ALMS1: variants seen among roughly 807,000 people sequenced by gnomAD.
The protein encoded by ALMS1 is ALMS1 centrosome and basal body associated protein.
Under a neutral mutation model 352.2 loss-of-function variants are expected in ALMS1, and 271 were observed. The ratio of observed to expected loss-of-function variants is 0.77; its 90% CI spans 0.70 to 0.85. The LOEUF is 0.85. Ranked by LOEUF, ALMS1 falls within the 40% of genes least tolerant of loss-of-function variation. The pLI is 0.00. For missense variants in ALMS1, 5,445 were observed against 4,870.7 expected (o/e 1.12, Z -3.51); for synonymous variants, 1,865 against 1,761.2 (o/e 1.06, Z -1.48).
At chr2:73,447,842 G>T in intron 7 of ALMS1, 118 bp from the exon 8 acceptor site, 1 of 1,306,610 alleles carries the variant, frequency 7.7e-7, no homozygotes, top group African/African-American at 1.5e-5. Context: ...TTTGATGGCT[G>T]TTTCCTTAGG....
At chr2:73,512,811 A>G (rs1477390758) in intron 10 of ALMS1, among the ~76,000 whole-genome samples, 4 of 152,152 alleles carry the variant, frequency 2.6e-5, no homozygotes, top group Non-Finnish European at 5.9e-5. Context: ...AAGATATTTC[A>G]GGCTCATCTT....
At chr2:73,511,959 G>T (rs1673462485) in intron 10 of ALMS1, among the ~76,000 whole-genome samples, 1 of 152,226 alleles carries the variant, frequency 6.6e-6, no homozygotes, top group African/African-American at 2.4e-5. Context: ...ATAGGAAACT[G>T]CCAGAGTGTT....
chr2:73,422,991 G>T lies in ALMS1; in HGVS notation c.764+17G>T, dbSNP rs1057524596. The T allele has an allele frequency of 3.8e-6, 6 of 1,575,480 alleles. No individual in the cohort carries two copies. Among genetic ancestry groups the T allele is most frequent in the Non-Finnish European group, 5.2e-6 (6 of 1,145,342 alleles). On this transcript the variant is annotated intron_variant, in intron 4 of 22. Coordinates refer to ENST00000613296, the MANE Select transcript of ALMS1 (RefSeq NM_001378454.1). ...ACCTCTGAGGTAGGATGATTTATTT[G>T]CATGTAACCTTTCTCACTTCTTGTT...
intron 7 of ALMS1, among the ~76,000 whole-genome samples, chr2:73,443,806 C>T (rs1017336281): frequency 1.3e-5 from 2 of 152,058 alleles, no homozygotes; most frequent in Non-Finnish European, 2.9e-5. Context: ...GGGATCAGTT[C>T]TCAAGAAAGT....
At chr2:73,507,219 G>C (rs986686646) in intron 10 of ALMS1, among the ~76,000 whole-genome samples, 5 of 152,124 alleles carry the variant, frequency 3.3e-5, no homozygotes, top group Non-Finnish European at 7.3e-5. Context: ...ATGTTTATCA[G>C]GTATATTGGC....
At chr2:73,497,957 T>G (rs1404290821) in intron 10 of ALMS1, among the ~76,000 whole-genome samples, 1 of 152,048 alleles carries the variant, frequency 6.6e-6, no homozygotes, top group East Asian at 1.9e-4. Flanking sequence ...CAGGCATACC[T>G]CAGATATATT....
In ALMS1 at chr2:73,491,380, G is replaced by A. The variant is rs1302042111; in HGVS notation, c.9421G>A (p.Asp3141Asn). 1 of 1,614,114 alleles carries A rather than the reference G, an allele frequency of 6.2e-7. No individual in the cohort carries two copies. Among genetic ancestry groups the A allele is most frequent in the South Asian group, 1.1e-5 (1 of 91,070 alleles). ...TCCAGACAGTAACACTATTACTCAG[G>A]ACTTGAAAACCATACCTTCTCAGAA... ...SLPDSNTITQ[D>N]LKTIPSQNSQ... Residue 3141 changes from aspartate (D) to asparagine (N), a missense_variant, in exon 10 of 23, where the codon GAC (aspartate) becomes AAC (asparagine). Asp to Asn is a conservative substitution (Grantham distance 23). Coordinates refer to ENST00000613296, the MANE Select transcript of ALMS1 (RefSeq NM_001378454.1).
intron 9 of ALMS1, among the ~76,000 whole-genome samples, chr2:73,481,716 A>G (rs1373373033): frequency 6.6e-6 from 1 of 151,126 alleles, no homozygotes; most frequent in African/African-American, 2.5e-5. Flanking sequence ...TGAGCATGGA[A>G]TGTTCTTCCA....
At chr2:73,403,428 C>G (rs972860807) in intron 1 of ALMS1, among the ~76,000 whole-genome samples, 1 of 152,132 alleles carries the variant, frequency 6.6e-6, no homozygotes, top group African/African-American at 2.4e-5. Context: ...GTTTGGGTTA[C>G]TATAACTTTG....
chr2:73,600,572 G>C (rs1010574303), intron 17 of ALMS1, 106 bp from the exon 18 acceptor site: 6 of 1,042,438 alleles, frequency 5.8e-6, no homozygotes, highest in Non-Finnish European at 7.0e-6. Flanking sequence ...CACACAAAGG[G>C]ATTGTATTTT....
At chr2:73,488,099 G>A (rs1260181433) in intron 9 of ALMS1, among the ~76,000 whole-genome samples, 1 of 152,192 alleles carries the variant, frequency 6.6e-6, no homozygotes, top group Admixed American at 6.5e-5. Flanking sequence ...GCTTAAAGGT[G>A]GAGCTTCACT....
chr2:73,518,710 T>A (rs1391193285), intron 10 of ALMS1, among the ~76,000 whole-genome samples: 5 of 152,220 alleles, frequency 3.3e-5, no homozygotes, highest in Admixed American at 3.3e-4. Context: ...ATTTATGTAA[T>A]CAGTGATATT....
intron 15 of ALMS1, among the ~76,000 whole-genome samples, chr2:73,559,679 T>C (rs1414488792): frequency 6.6e-6 from 1 of 152,136 alleles, no homozygotes; most frequent in African/African-American, 2.4e-5. Context: ...GGAGCTAAAC[T>C]ACCCATACTG....
chr2:73,516,056 AG>A (rs920956106), intron 10 of ALMS1, among the ~76,000 whole-genome samples: 57 of 152,246 alleles, frequency 3.7e-4, no homozygotes, highest in African/African-American at 1.3e-3. Context: ...CATCCAACAA[AG>A]GTCTAATATC....
intron 1 of ALMS1, among the ~76,000 whole-genome samples, chr2:73,404,813 T>A (rs1289932331): frequency 6.6e-6 from 1 of 151,742 alleles, no homozygotes; most frequent in African/African-American, 2.4e-5. Flanking sequence ...CCTGTGCAAT[T>A]TTTTGGGATT....
chr2:73,519,033 T>TGTG (rs1673617368), intron 10 of ALMS1, among the ~76,000 whole-genome samples: 1 of 152,222 alleles, frequency 6.6e-6, no homozygotes, highest in South Asian at 2.1e-4. Context: ...AGGTTGCATA[T>TGTG]GTGGTATCCA....
chr2:73,462,875 GGTA>G (rs1406159568), intron 9 of ALMS1: 1 of 151,958 alleles, frequency 6.6e-6, no homozygotes, highest in Non-Finnish European at 1.5e-5. Flanking sequence ...ATTACATAAT[GGTA>G]AAGGGATCAA....
intron 9 of ALMS1, among the ~76,000 whole-genome samples, chr2:73,477,866 C>T (rs1672614479): frequency 6.6e-6 from 1 of 152,040 alleles, no homozygotes; most frequent in South Asian, 2.1e-4. Flanking sequence ...TTGGTTTGTC[C>T]TGGTTTCCTT....
chr2:73,458,896 G>A (rs1672128784), intron 9 of ALMS1: 1 of 152,260 alleles, frequency 6.6e-6, no homozygotes, highest in East Asian at 1.9e-4. Flanking sequence ...GATTGTTTCT[G>A]GAATGCAGTA....
Sources: gnomAD v4.1 joint callset for allele counts (sites outside exome capture counted in the v4.1 genomes callset) on GRCh38, gnomAD v4.1.1 for gene constraint, MANE v1.5 for transcripts, NCBI Gene and HGNC (gene_info 2026-07-23, HGNC 2026-07-21) for gene names.